SMYD3: variants seen among roughly 807,000 people sequenced by gnomAD.
SMYD3 encodes SET and MYND domain containing 3.
SMYD3 carries 36 observed loss-of-function variants against 57.7 expected under a neutral mutation model. That is an observed-to-expected ratio of 0.62 (90% CI 0.48 to 0.82). The LOEUF (loss-of-function observed/expected upper bound fraction) is 0.82. Ranked by LOEUF, SMYD3 falls within the 40% of genes least tolerant of loss-of-function variation. The pLI is 0.00. For missense variants in SMYD3, 515 were observed against 538.8 expected (o/e 0.96, Z 0.44); for synonymous variants, 211 against 195.0 (o/e 1.08, Z -0.68).
chr1:246,358,987 GAAAC>G (rs1160807533), intron 1 of SMYD3, among the ~76,000 whole-genome samples: 1 of 147,598 alleles, frequency 6.8e-6, no homozygotes, highest in Non-Finnish European at 1.5e-5. Context: ...AAATGAAATT[GAAAC>G]AAACAAAAAA....
At chr1:246,405,703 T>C (rs1572468961) in intron 1 of SMYD3, among the ~76,000 whole-genome samples, 1 of 151,886 alleles carries the variant, frequency 6.6e-6, no homozygotes, top group African/African-American at 2.4e-5. Context: ...GGTCAGGAGA[T>C]CGAGACCATC....
chr1:245,992,701 G>A (rs56726315), intron 5 of SMYD3, among the ~76,000 whole-genome samples: 196 of 1,476 alleles, frequency 0.13, 30 homozygotes, highest in African/African-American at 0.18. Context: ...GGCCTGGAGT[G>A]GTCATGGATC....
chr1:246,333,273 G>C (rs1363798330), intron 3 of SMYD3, among the ~76,000 whole-genome samples: 3 of 151,478 alleles, frequency 2.0e-5, no homozygotes, highest in Non-Finnish European at 2.9e-5. Context: ...AAGTGTAGAT[G>C]TGATAGCAAG....
intron 10 of SMYD3, among the ~76,000 whole-genome samples, chr1:245,831,854 G>A (rs1401445564): frequency 1.3e-5 from 2 of 152,204 alleles, no homozygotes; most frequent in Admixed American, 1.3e-4. Flanking sequence ...GTGCATGCAC[G>A]TGTGTGAGGG....
At chr1:246,159,256 C>T (rs929836972) in intron 5 of SMYD3, among the ~76,000 whole-genome samples, 2 of 152,170 alleles carry the variant, frequency 1.3e-5, no homozygotes, top group Non-Finnish European at 2.9e-5. Context: ...ACTGGATTCC[C>T]ACAATGCCAT....
chr1:245,824,347 C>T (rs879078962), intron 10 of SMYD3, among the ~76,000 whole-genome samples: 3 of 152,290 alleles, frequency 2.0e-5, no homozygotes, highest in East Asian at 1.9e-4. Flanking sequence ...ATGAATGGAT[C>T]GATGATTGGA....
intron 8 of SMYD3, among the ~76,000 whole-genome samples, chr1:245,894,523 C>T (rs2053622779): frequency 6.6e-6 from 1 of 152,178 alleles, no homozygotes; most frequent in Non-Finnish European, 1.5e-5. Flanking sequence ...CTCTAACACT[C>T]ACCGCAAAGG....
chr1:246,344,437 T>C (rs778504847), intron 2 of SMYD3, among the ~76,000 whole-genome samples: 5 of 152,346 alleles, frequency 3.3e-5, no homozygotes, highest in Non-Finnish European at 7.3e-5. Context: ...CAGTAGTTTG[T>C]TCCTCTTAAT....
At chr1:246,414,588 G>C (rs2067027664) in intron 1 of SMYD3, among the ~76,000 whole-genome samples, 1 of 151,014 alleles carries the variant, frequency 6.6e-6, no homozygotes, top group African/African-American at 2.4e-5. Context: ...CATACTATAT[G>C]TGTAAAATAT....
At chr1:246,088,191 C>A (rs1483840091) in intron 5 of SMYD3, among the ~76,000 whole-genome samples, 1 of 151,986 alleles carries the variant, frequency 6.6e-6, no homozygotes, top group East Asian at 1.9e-4. Flanking sequence ...GGAAAGGTAA[C>A]CCAGGTAAAA....
chr1:246,497,451 T>C (rs1216037440), intron 1 of SMYD3, among the ~76,000 whole-genome samples: 1 of 152,192 alleles, frequency 6.6e-6, no homozygotes, highest in East Asian at 1.9e-4. Flanking sequence ...AAAAAATAAG[T>C]TGCCTTTCTG....
intron 1 of SMYD3, among the ~76,000 whole-genome samples, chr1:246,372,629 G>C (rs2066210765): frequency 6.6e-6 from 1 of 152,200 alleles, no homozygotes; most frequent in African/African-American, 2.4e-5. Flanking sequence ...CCAGCACTTT[G>C]GGTGGCGGAA....
chr1:246,348,522 T>C (rs1295652096), intron 2 of SMYD3, among the ~76,000 whole-genome samples: 4 of 152,102 alleles, frequency 2.6e-5, no homozygotes, highest in Non-Finnish European at 5.9e-5. Context: ...ATACAGTATG[T>C]TCTCACTTAC....
At chr1:246,176,427 GT>G (rs1383414483) in intron 5 of SMYD3, among the ~76,000 whole-genome samples, 2 of 152,198 alleles carry the variant, frequency 1.3e-5, no homozygotes, top group African/African-American at 4.8e-5. Context: ...TAACAAAAAA[GT>G]AACATTTGAC....
intron 1 of SMYD3, among the ~76,000 whole-genome samples, chr1:246,439,159 G>GTTGGCAAC (rs1272909535): frequency 2.7e-5 from 4 of 150,262 alleles, no homozygotes. Flanking sequence ...ACAAGGTCTT[G>GTTGGCAAC]CTATGTTGCC....
chr1:245,899,201 A>G (rs1203881542), intron 8 of SMYD3, among the ~76,000 whole-genome samples: 1 of 152,184 alleles, frequency 6.6e-6, no homozygotes, highest in Non-Finnish European at 1.5e-5. Context: ...TGATTGAACT[A>G]ATGTTGAATT....
intron 10 of SMYD3, among the ~76,000 whole-genome samples, chr1:245,827,412 G>T (rs1015216046): frequency 6.6e-6 from 1 of 152,138 alleles, no homozygotes; most frequent in Non-Finnish European, 1.5e-5. Flanking sequence ...CACGATGCCT[G>T]GCCCAGGGCT....
intron 5 of SMYD3, among the ~76,000 whole-genome samples, chr1:246,004,247 A>T (rs1302481695): frequency 1.3e-5 from 2 of 152,186 alleles, no homozygotes; most frequent in Non-Finnish European, 2.9e-5. Flanking sequence ...ACAAAATAAG[A>T]CTCCTCATTT....
intron 1 of SMYD3, among the ~76,000 whole-genome samples, chr1:246,490,614 T>C (rs9628646): frequency 0.091 from 13,780 of 152,238 alleles, 2,029 homozygotes; most frequent in African/African-American, 0.31. Flanking sequence ...GGCTCACACC[T>C]ATACTCCCAG....
Sources: allele counts gnomAD v4.1 joint callset (sites outside exome capture counted in the v4.1 genomes callset), GRCh38; gene constraint gnomAD v4.1.1; transcripts MANE v1.5; gene names NCBI Gene and HGNC (gene_info 2026-07-23, HGNC 2026-07-21).